Variants in ZNF217 observed in about 807,000 individuals in gnomAD.
ZNF217 encodes the protein zinc finger protein 217.
In ZNF217, 12 loss-of-function variants were observed where a neutral mutation model predicts 73.3. The ratio of observed to expected loss-of-function variants is 0.16; its 90% CI spans 0.10 to 0.27. The LOEUF (loss-of-function observed/expected upper bound fraction) is 0.27, where lower values mean the gene tolerates loss of function less well. Ranked by LOEUF, ZNF217 falls within the 10% of genes least tolerant of loss-of-function variation. The pLI is 1.00. For synonymous variants in ZNF217, 588 were observed against 516.4 expected (o/e 1.14, Z -1.88); for missense variants, 1,195 against 1,327.8 (o/e 0.90, Z 1.55).
intron 1 of ZNF217, among the ~76,000 whole-genome samples, chr20:53,583,580 T>C (rs573531911): frequency 6.6e-6 from 1 of 152,366 alleles, no homozygotes; most frequent in South Asian, 2.1e-4. Flanking sequence ...AACACTTTAG[T>C]AAACTATTTT....
chr20:53,583,191 G>T, intron 1 of ZNF217, 23 bp from the exon 2 acceptor site: 1 of 409,258 alleles, frequency 2.4e-6, no homozygotes, highest in Admixed American at 4.1e-5. Flanking sequence ...AAACAGAAAC[G>T]GTTAGCTACA....
chr20:53,593,529 G>A (rs940136615), intron 1 of ZNF217, among the ~76,000 whole-genome samples: 5 of 151,736 alleles, frequency 3.3e-5, no homozygotes, highest in Non-Finnish European at 7.4e-5. Flanking sequence ...ACGGCCAAGA[G>A]CGGATGCAGC....
chr20:53,585,753 C>T (rs1455160635), intron 1 of ZNF217, among the ~76,000 whole-genome samples: 2 of 152,260 alleles, frequency 1.3e-5, no homozygotes, highest in Admixed American at 6.5e-5. Flanking sequence ...CAGTGGGAAA[C>T]GATCTTAGGA....
chr20:53,573,002 G>A (rs1453608184), intron 4 of ZNF217: 1 of 152,144 alleles, frequency 6.6e-6, no homozygotes, highest in Non-Finnish European at 1.5e-5. Context: ...GTATCCAGAG[G>A]GCACTGGCTC....
Position 53,582,768 on chromosome 20 carries a change from C to A in ZNF217, c.59G>T (p.Gly20Val). Residue 20 changes from glycine to valine, a missense_variant, in exon 2 of 6, where the codon GGG (glycine) becomes GTG (valine). This residue lies in a region of ZNF217 where 147 missense variants were observed against 184.3 expected (regional missense o/e 0.80). Coordinates refer to ENST00000371471, the MANE Select transcript of ZNF217 (RefSeq NM_006526.3). The surrounding 1 kb of genome is among the most constrained non-coding windows in gnomAD (Gnocchi z 4.8). Reference sequence around the variant, plus strand: ...AAGAGAGCTGCCAATCACTTCTGGCCCATCCATGTACATTAAGAGGGATTG... The same window carrying A: ...AAGAGAGCTGCCAATCACTTCTGGCACATCCATGTACATTAAGAGGGATTG... ...PTQSLLMYMD[G>V]PEVIGSSLGS... 6.2e-7 allele frequency: 1 copy of A among 1,614,022 alleles called. No individual in the cohort carries two copies. Among genetic ancestry groups the A allele is most frequent in the Non-Finnish European group, 8.5e-7 (1 of 1,179,994 alleles).
rs574461246 is a variant in ZNF217 at position 53,593,563 on chromosome 20, C to T, written c.-343+193G>A. ...GCCCGGGATCGCCCGCACCTTCCCG[C>T]GGGCGGAAGCGCAGGAGCCGGCTGG... On this transcript the variant is annotated intron_variant, in intron 1 of 5. Transcript: ENST00000371471. 1.4e-3 allele frequency among the ~76,000 whole-genome samples: 219 copies of T among 152,026 alleles called. 1 individual carries two copies. The highest frequency in any genetic ancestry group is 5.2e-3 in the African/African-American group (215 of 41,478).
In ZNF217 at chr20:53,571,726, T is replaced by G; in HGVS notation, c.*18A>C. Reference sequence around the variant, plus strand: ...TAATTGAAACATATGCTCACCTTTTTTCCCCCTAATTAGTGAATCAAGTTT... The same window carrying G: ...TAATTGAAACATATGCTCACCTTTTGTCCCCCTAATTAGTGAATCAAGTTT... On this transcript the variant is annotated 3_prime_UTR_variant, in exon 5 of 6. Transcript: ENST00000371471. 1 of 1,607,786 alleles carries G rather than the reference T, an allele frequency of 6.2e-7. No homozygotes were observed. Among genetic ancestry groups the G allele is most frequent in the East Asian group, 2.2e-5 (1 of 44,794 alleles).
rs758679078 is a variant in ZNF217, at chr20:53,582,396, T to C, written c.431A>G (p.Glu144Gly). The change falls in exon 2 of 6, where the codon GAG (glutamate) becomes GGG (glycine). Residue 144 changes from glutamate to glycine, a missense_variant. Coordinates refer to ENST00000371471, the MANE Select transcript of ZNF217 (RefSeq NM_006526.3). This position sits in a 1 kb window ranked among gnomAD's most constrained non-coding sequence, Gnocchi z 4.8. ...GQTFRVAFDV[E>G]IHMRTHKDSF... ...ATCTTTGTGTGTTCTCATGTGGATC[T>C]CAACATCAAAAGCGACTCTAAATGT... 9 of 1,431,972 alleles carry C rather than the reference T, an allele frequency of 6.3e-6. No homozygotes were observed. In the Admixed American group the frequency reaches 1.2e-4, roughly 20 times the overall value. 88.7% of individuals were successfully genotyped at this position (1,431,972 alleles called of 1,614,324 possible).
At chr20:53,597,595 TTATATATATG>T (rs1450071890), upstream of ZNF217, 1 of 147,722 alleles carries the variant, frequency 6.8e-6, no homozygotes, top group Non-Finnish European at 1.5e-5. Context: ...AAAAATATAT[TTATATATATG>T]TATATATATA....
chr20:53,587,373 T>C (rs1988732032), intron 1 of ZNF217, among the ~76,000 whole-genome samples: 1 of 152,236 alleles, frequency 6.6e-6, no homozygotes, highest in African/African-American at 2.4e-5. Context: ...TAATCTGTGC[T>C]TAAGTACAAC....
intron 5 of ZNF217, chr20:53,570,354 T>C (rs77404826): frequency 1.4e-3 from 214 of 153,130 alleles, no homozygotes; most frequent in African/African-American, 5.1e-3. Context: ...CCGATGAAAA[T>C]ATGACAGAGA....
At chr20:53,590,281 A>T (rs1988833286) in intron 1 of ZNF217, among the ~76,000 whole-genome samples, 3 of 152,228 alleles carry the variant, frequency 2.0e-5, no homozygotes, top group Admixed American at 1.3e-4. Context: ...CAATTCATTC[A>T]TTAAACATTC....
chr20:53,591,334 A>G (rs1374126142), intron 1 of ZNF217, among the ~76,000 whole-genome samples: 1 of 152,254 alleles, frequency 6.6e-6, no homozygotes, highest in Non-Finnish European at 1.5e-5. Context: ...AATAAAAGTC[A>G]TATCTTGTCC....
chr20:53,580,884 C>T (rs1472171884), intron 2 of ZNF217, among the ~76,000 whole-genome samples: 1 of 152,172 alleles, frequency 6.6e-6, no homozygotes, highest in Non-Finnish European at 1.5e-5. Context: ...AAATTCACTA[C>T]AGAAAAAGAT....
chr20:53,578,271 C>A lies in ZNF217; in HGVS notation c.1483+63G>T, dbSNP rs138671310. 3.0e-3 allele frequency: 3,496 copies of A among 1,183,882 alleles called. 51 individuals carry two copies. In the African/African-American group the frequency reaches 0.041, roughly 14 times the overall value. The allele number at this position is 1,183,882 out of a possible 1,614,324, so 73.3% of individuals were successfully genotyped here. A position where few individuals can be genotyped will look rare whatever the true frequency, so the allele number is the denominator to read the frequency against. ...TGGCAGAGTATCTGAACAACAACAA[C>A]AAAAAAATTAGATAACTACATAATT... On this transcript the variant is annotated intron_variant, in intron 3 of 5. Transcript: ENST00000371471.
At chr20:53,597,164 G>C (rs2145994507), upstream of ZNF217, among the ~76,000 whole-genome samples, 1 of 151,496 alleles carries the variant, frequency 6.6e-6, no homozygotes, top group South Asian at 2.1e-4. Context: ...TTGAGACTCA[G>C]CCTTAATTAG....
intron 5 of ZNF217, among the ~76,000 whole-genome samples, chr20:53,571,426 T>C (rs1987998757): frequency 9.1e-6 from 1 of 110,130 alleles, no homozygotes; most frequent in Non-Finnish European, 1.7e-5. Flanking sequence ...TTTTTTAGAC[T>C]GAGTCTCGCT....
In ZNF217 at chr20:53,577,162, C is replaced by A. The variant is rs763325848; in HGVS notation, c.1602G>T (p.Lys534Asn). Reference protein sequence around the residue: ...EKQTDVAAEVKNDGKNQDTED... With the variant: ...EKQTDVAAEVNNDGKNQDTED... ...CAGTGTCCTGATTTTTACCATCGTT[C>A]TTGACTTCAGCAGCAACATCGGTTT... The change falls in exon 4 of 6, where the codon AAG becomes AAT. Residue 534 changes from lysine to asparagine, a missense_variant. Lys to Asn is a moderately conservative substitution (Grantham distance 94, BLOSUM62 0). Coordinates refer to ENST00000371471, the MANE Select transcript of ZNF217 (RefSeq NM_006526.3). 3.0e-5 allele frequency: 49 copies of A among 1,613,850 alleles called. No homozygotes were observed. The highest frequency in any genetic ancestry group is 4.0e-5 in the Non-Finnish European group (47 of 1,180,048).
At chr20:53,584,752 T>C (rs1002705344) in intron 1 of ZNF217, among the ~76,000 whole-genome samples, 17 of 152,362 alleles carry the variant, frequency 1.1e-4, no homozygotes, top group Admixed American at 5.2e-4. Context: ...GAAAAGAATA[T>C]TCAATTACTC....
Sources: allele counts gnomAD v4.1 joint callset (sites outside exome capture counted in the v4.1 genomes callset), GRCh38; gene constraint gnomAD v4.1.1; regional missense constraint gnomAD v4.1.1; non-coding constraint Gnocchi (gnomAD v3.1); transcripts MANE v1.5; gene names NCBI Gene and HGNC (gene_info 2026-07-23, HGNC 2026-07-21).